The following CDH13 variants were observed in gnomAD, a reference collection of about 807,000 sequenced individuals.
The protein encoded by CDH13 is cadherin 13.
Under a neutral mutation model 63.8 loss-of-function variants are expected in CDH13, and 24 were observed. That is an observed-to-expected ratio of 0.38 (90% CI 0.27 to 0.53). CDH13 has a LOEUF of 0.53. CDH13 is among the 20% of genes least tolerant of loss of function. The probability of loss-of-function intolerance (pLI) is 0.85; values close to 1 mark genes in which losing one functional copy is unlikely to be tolerated. For missense variants in CDH13, 1,049 were observed against 903.1 expected (o/e 1.16, Z -2.07); for synonymous variants, 503 against 355.3 (o/e 1.42, Z -4.67).
intron 7 of CDH13, among the ~76,000 whole-genome samples, chr16:83,501,122 C>G (rs1039196520): frequency 6.6e-6 from 1 of 152,246 alleles, no homozygotes; most frequent in African/African-American, 2.4e-5. Context: ...CACAGACACA[C>G]TGACCAGCTG....
chr16:82,956,287 C>G (rs1906083506), intron 2 of CDH13, among the ~76,000 whole-genome samples: 1 of 152,138 alleles, frequency 6.6e-6, no homozygotes, highest in South Asian at 2.1e-4. Flanking sequence ...TGTCTATCCT[C>G]ATCTTCATCC....
intron 11 of CDH13, among the ~76,000 whole-genome samples, chr16:83,759,143 G>A (rs191369089): frequency 2.4e-4 from 37 of 152,266 alleles, no homozygotes; most frequent in South Asian, 1.4e-3. Flanking sequence ...ATATCCAGAC[G>A]TATTAGAAAA....
intron 1 of CDH13, among the ~76,000 whole-genome samples, chr16:82,632,975 T>C (rs1184407216): frequency 6.6e-6 from 1 of 152,118 alleles, no homozygotes; most frequent in African/African-American, 2.4e-5. Flanking sequence ...TTCCAACTCC[T>C]ATGAAAATCC....
chr16:83,659,680 A>T (rs1342683474), intron 8 of CDH13, among the ~76,000 whole-genome samples: 1 of 152,114 alleles, frequency 6.6e-6, no homozygotes, highest in Non-Finnish European at 1.5e-5. Flanking sequence ...GTTAAGAATG[A>T]CAGCTTTAGT....
At chr16:83,631,160 C>T (rs1359659891) in intron 8 of CDH13, among the ~76,000 whole-genome samples, 1 of 152,182 alleles carries the variant, frequency 6.6e-6, no homozygotes, top group East Asian at 1.9e-4. Flanking sequence ...TCAACGAGCG[C>T]AAGTTGTAAA....
intron 6 of CDH13, among the ~76,000 whole-genome samples, chr16:83,352,277 A>T (rs2090968776): frequency 6.6e-6 from 1 of 152,206 alleles, no homozygotes; most frequent in African/African-American, 2.4e-5. Flanking sequence ...ATTCACAGCT[A>T]AATGGAATGA....
At chr16:83,132,583 A>G (rs2036105091) in intron 4 of CDH13, among the ~76,000 whole-genome samples, 9 of 151,666 alleles carry the variant, frequency 5.9e-5, no homozygotes, top group Non-Finnish European at 1.5e-5. Flanking sequence ...AACTGGGACT[A>G]CAGGTGGATG....
chr16:83,060,638 G>A (rs867532040), intron 3 of CDH13, among the ~76,000 whole-genome samples: 2 of 152,232 alleles, frequency 1.3e-5, no homozygotes, highest in African/African-American at 2.4e-5. Flanking sequence ...GTTGAGCTCA[G>A]ATCTGAATCC....
chr16:83,670,594 G>A (rs1460909569), intron 8 of CDH13, among the ~76,000 whole-genome samples, 196 bp from the exon 9 acceptor site: 4 of 152,220 alleles, frequency 2.6e-5, no homozygotes, highest in African/African-American at 4.8e-5. Context: ...TTCTGCAGGA[G>A]AGAAGTTAGT....
intron 4 of CDH13, among the ~76,000 whole-genome samples, chr16:83,211,945 G>T (rs2039351272): frequency 6.6e-6 from 1 of 152,112 alleles, no homozygotes; most frequent in Non-Finnish European, 1.5e-5. Context: ...AAGAAGTGTG[G>T]AATTACAAAG....
At position 83,137,474 on chromosome 16, in the gene CDH13, T is replaced by C. The variant is rs539651771; in HGVS notation, c.483+11973T>C. Among the ~76,000 whole-genome samples, 38 of 152,320 alleles carry C rather than the reference T, an allele frequency of 2.5e-4. 1 individual carries two copies. The highest frequency in any genetic ancestry group is 3.4e-3 in the Middle Eastern group (1 of 294). On this transcript the variant is annotated intron_variant, in intron 4 of 13. Coordinates refer to ENST00000567109, the MANE Select transcript of CDH13 (RefSeq NM_001257.5). Reference sequence around the variant, plus strand: ...CGCTGAGTCAGGGCCGGAGGTCGTGTCTTCGTTTAACAAATAGACCACATG... The same window carrying C: ...CGCTGAGTCAGGGCCGGAGGTCGTGCCTTCGTTTAACAAATAGACCACATG...
intron 5 of CDH13, among the ~76,000 whole-genome samples, chr16:83,267,230 G>A (rs1331458910): frequency 6.6e-6 from 1 of 152,092 alleles, no homozygotes; most frequent in Non-Finnish European, 1.5e-5. Flanking sequence ...AAACACAAAG[G>A]CTGAAGGTGC....
At chr16:83,703,848 T>C (rs1906610026) in intron 10 of CDH13, among the ~76,000 whole-genome samples, 1 of 152,198 alleles carries the variant, frequency 6.6e-6, no homozygotes, top group Non-Finnish European at 1.5e-5. Context: ...TCTGACTCCA[T>C]AATAGGCACG....
chr16:83,311,390 C>T (rs973019242), intron 5 of CDH13, among the ~76,000 whole-genome samples: 1 of 152,228 alleles, frequency 6.6e-6, no homozygotes, highest in East Asian at 1.9e-4. Flanking sequence ...CCCAGCTACA[C>T]ATATGTAATG....
At chr16:83,118,577 G>T (rs1597369385) in intron 3 of CDH13, among the ~76,000 whole-genome samples, 1 of 152,202 alleles carries the variant, frequency 6.6e-6, no homozygotes, top group South Asian at 2.1e-4. Flanking sequence ...GATACAGACT[G>T]AGTGGCTCAC....
chr16:82,880,784 C>A (rs1278749701), intron 2 of CDH13, among the ~76,000 whole-genome samples: 1 of 152,148 alleles, frequency 6.6e-6, no homozygotes, highest in African/African-American at 2.4e-5. Context: ...AAGGTCAACT[C>A]TAGTTTTATG....
rs149636965 is a variant in CDH13, at chr16:82,841,794, T to C, written c.46-16568T>C. ...TCAGAAACATTCTTAATCCAAATGA[T>C]CTAGAAATAGGAACTGGAATACCTA... On this transcript the variant is annotated intron_variant, in intron 1 of 13. Transcript: ENST00000567109. 3.9e-5 allele frequency among the ~76,000 whole-genome samples: 6 copies of C among 152,156 alleles called. No homozygotes were observed. In the East Asian group the frequency reaches 1.2e-3, roughly 30 times the overall value.
chr16:83,207,333 A>G (rs1194643960), intron 4 of CDH13, among the ~76,000 whole-genome samples: 1 of 152,170 alleles, frequency 6.6e-6, no homozygotes, highest in Non-Finnish European at 1.5e-5. Flanking sequence ...ATCAGACAAT[A>G]TCTGTTCTTC....
chr16:83,355,550 C>T (rs748634599), intron 6 of CDH13, among the ~76,000 whole-genome samples: 12 of 152,150 alleles, frequency 7.9e-5, no homozygotes, highest in African/African-American at 2.2e-4. Context: ...GCCTGAATCC[C>T]GATAAACTGT....
Sources: gnomAD v4.1 joint callset for allele counts (sites outside exome capture counted in the v4.1 genomes callset) on GRCh38, gnomAD v4.1.1 for gene constraint, MANE v1.5 for transcripts, NCBI Gene and HGNC (gene_info 2026-07-23, HGNC 2026-07-21) for gene names.